Variants in FBLN2 observed in about 807,000 individuals in gnomAD.
The protein encoded by FBLN2 is fibulin 2.
Under a neutral mutation model 123.7 loss-of-function variants are expected in FBLN2, and 81 were observed. The observed-to-expected ratio is 0.65, with a 90% CI of 0.55 to 0.79. The LOEUF is 0.79. FBLN2 is among the 30% of genes least tolerant of loss of function. FBLN2 has a pLI of 0.00. For missense variants in FBLN2, 1,603 were observed against 1,681.3 expected, an observed-to-expected ratio of 0.95 and a Z score of 0.81; for synonymous variants, 699 against 701.4, an observed-to-expected ratio of 1.00 and a Z score of 0.05.
At position 13,570,431 on chromosome 3, in the gene FBLN2, G is replaced by T. The variant is rs754715705; in HGVS notation, c.76G>T (p.Ala26Ser). The part of the protein sequence containing the change: ...LALALGPSVA[A>S]AAPRQDCTGV... ...CCTGGCCCTGGGCCCCAGCGTGGCC[G>T]CAGCTGCCCCTCGGCAGGACTGCAC... is the stretch of plus-strand genomic sequence containing the variant. Residue 26 changes from alanine (A) to serine (S), a missense_variant, in exon 2 of 18, where the codon GCA (alanine) becomes TCA (serine). Ala to Ser is a moderately conservative substitution (Grantham distance 99). Coordinates refer to ENST00000404922, the MANE Select transcript of FBLN2 (RefSeq NM_001004019.2). 2 of 1,572,842 alleles carry T rather than the reference G, an allele frequency of 1.3e-6. No individual in the cohort carries two copies. Among genetic ancestry groups the T allele is most frequent in the African/African-American group, 2.7e-5 (2 of 74,148 alleles).
intron 5 of FBLN2, 106 bp from the exon 6 acceptor site, chr3:13,617,968 GCA>G (rs1705693500): frequency 1.1e-6 from 1 of 930,220 alleles, no homozygotes; most frequent in East Asian, 2.4e-5. Flanking sequence ...TGTCTGCTGG[GCA>G]CACAGAGGTC....
At chr3:13,595,786 C>T (rs949464925) in intron 2 of FBLN2, among the ~76,000 whole-genome samples, 1 of 152,116 alleles carries the variant, frequency 6.6e-6, no homozygotes, top group Non-Finnish European at 1.5e-5. Flanking sequence ...TTCAGGGAAC[C>T]CATTGTCCTA....
In FBLN2 at chr3:13,619,764, T is replaced by TGG; in HGVS notation, c.2092_2093dup (p.Ser699AlafsTer27). On this transcript the variant is annotated frameshift_variant, in exon 8 of 18. Coordinates refer to ENST00000404922, the MANE Select transcript of FBLN2 (RefSeq NM_001004019.2). LOFTEE classifies it high-confidence loss of function. ...CCTGCAAGCAGGTGTGCAGCACTGT[T>TGG]GGGGGCTCAGCCATATGCTCCTGTT... The TGG allele has an allele frequency of 6.2e-7, 1 of 1,613,360 alleles. No individual in the cohort carries two copies. The highest frequency in any genetic ancestry group is 8.5e-7 in the Non-Finnish European group (1 of 1,179,566).
chr3:13,555,164 C>A (rs1315787342), intron 1 of FBLN2, among the ~76,000 whole-genome samples: 34 of 151,968 alleles, frequency 2.2e-4, no homozygotes, highest in Middle Eastern at 3.4e-3. Context: ...GTTGGCCAGG[C>A]TGGTCTCAAA....
chr3:13,557,476 G>GC (rs1559397178), intron 1 of FBLN2, among the ~76,000 whole-genome samples: 1 of 152,016 alleles, frequency 6.6e-6, no homozygotes, highest in East Asian at 1.9e-4. Context: ...TGTATCCAGG[G>GC]CCTCTGCAGA....
At chr3:13,551,659 A>G (rs1703326646) in intron 1 of FBLN2, among the ~76,000 whole-genome samples, 1 of 152,082 alleles carries the variant, frequency 6.6e-6, no homozygotes, top group South Asian at 2.1e-4. Context: ...CTCACACGCA[A>G]TAGGTGCTTC....
At chr3:13,587,997 T>C (rs189321215) in intron 2 of FBLN2, among the ~76,000 whole-genome samples, 7 of 152,332 alleles carry the variant, frequency 4.6e-5, no homozygotes, top group East Asian at 1.9e-4. Flanking sequence ...TGGGCACAAG[T>C]GGTCAGGACT....
chr3:13,571,005 A>T lies in FBLN2; in HGVS notation c.650A>T (p.Gln217Leu). ...GCAACAGCCCTGGGGGGTGAGGTCC[A>T]GGCGGGTGCAGTCCAGGCAGGCGCA... ...EAATALGGEVQAGAVQAGAGG... is the reference protein window; with the variant it reads ...EAATALGGEVLAGAVQAGAGG... Residue 217 changes from glutamine (Q) to leucine (L), a missense_variant, in exon 2 of 18, where the codon CAG becomes CTG. Physicochemically the swap from Gln to Leu is moderately radical, Grantham distance 113. Transcript: ENST00000404922. 6.3e-7 allele frequency: 1 copy of T among 1,598,904 alleles called. No individual in the cohort carries two copies. Among genetic ancestry groups the T allele is most frequent in the Non-Finnish European group, 8.5e-7 (1 of 1,173,060 alleles).
At chr3:13,636,399 G>A (rs923654397) in intron 16 of FBLN2, 46 bp from the exon 17 acceptor site, 1 of 1,604,692 alleles carries the variant, frequency 6.2e-7, no homozygotes, top group South Asian at 1.1e-5. Context: ...TTCAGGCTGG[G>A]TCCCCCAGCT....
At chr3:13,550,047 C>T (rs1027415321) in intron 1 of FBLN2, among the ~76,000 whole-genome samples, 8 of 152,232 alleles carry the variant, frequency 5.3e-5, no homozygotes, top group African/African-American at 1.7e-4. Context: ...CTCTCACATG[C>T]GTGTGCTCCT....
At chr3:13,562,480 C>T (rs1011529850) in intron 1 of FBLN2, among the ~76,000 whole-genome samples, 3 of 151,894 alleles carry the variant, frequency 2.0e-5, no homozygotes, top group African/African-American at 7.3e-5. Flanking sequence ...CCTCAGCCTC[C>T]CAAGTAGCTG....
chr3:13,563,334 C>T (rs546925166), intron 1 of FBLN2, among the ~76,000 whole-genome samples: 1 of 152,350 alleles, frequency 6.6e-6, no homozygotes, highest in South Asian at 2.1e-4. Flanking sequence ...GCTGATGGCT[C>T]ACACCTGTGC....
At chr3:13,612,661 A>G (rs901627265) in intron 4 of FBLN2, among the ~76,000 whole-genome samples, 1 of 152,118 alleles carries the variant, frequency 6.6e-6, no homozygotes, top group African/African-American at 2.4e-5. Flanking sequence ...GATTACAGGC[A>G]TGAGCCACCA....
chr3:13,635,312 C>T (rs1706419118), intron 16 of FBLN2, among the ~76,000 whole-genome samples: 1 of 152,022 alleles, frequency 6.6e-6, no homozygotes, highest in Admixed American at 6.5e-5. Context: ...CTGAGCAGCT[C>T]ATCCTCAAAG....
At chr3:13,628,820 C>T in intron 11 of FBLN2, 85 bp from the exon 12 acceptor site, 1 of 1,504,384 alleles carries the variant, frequency 6.6e-7, no homozygotes, top group Non-Finnish European at 9.0e-7. Context: ...CCAGGACCGA[C>T]CCCCTCCCAG....
At chr3:13,554,181 C>T (rs539275521) in intron 1 of FBLN2, among the ~76,000 whole-genome samples, 28 of 152,346 alleles carry the variant, frequency 1.8e-4, no homozygotes, top group South Asian at 8.3e-4. Flanking sequence ...TCTGGGGAGG[C>T]GGACAGTGCT....
intron 9 of FBLN2, 147 bp from the exon 10 acceptor site, chr3:13,626,298 C>CGA: frequency 1.3e-6 from 1 of 747,330 alleles, no homozygotes; most frequent in Non-Finnish European, 2.1e-6. Flanking sequence ...GTTTGGGTGC[C>CGA]GAGACATCAG....
At chr3:13,610,696 A>C (rs1045346730) in intron 4 of FBLN2, among the ~76,000 whole-genome samples, 1 of 152,102 alleles carries the variant, frequency 6.6e-6, no homozygotes, top group African/African-American at 2.4e-5. Flanking sequence ...GGCTACAAGT[A>C]ATGGAAAACT....
At chr3:13,567,474 C>T (rs1703784171) in intron 1 of FBLN2, among the ~76,000 whole-genome samples, 1 of 152,226 alleles carries the variant, frequency 6.6e-6, no homozygotes, top group Non-Finnish European at 1.5e-5. Flanking sequence ...TCTCCTGCCT[C>T]ATCCTCCTGA....
Sources: allele counts gnomAD v4.1 joint callset (sites outside exome capture counted in the v4.1 genomes callset), GRCh38; gene constraint gnomAD v4.1.1; transcripts MANE v1.5; gene names NCBI Gene and HGNC (gene_info 2026-07-23, HGNC 2026-07-21).